The following ZBP1 variants were observed in gnomAD, a reference collection of about 807,000 sequenced individuals.
ZBP1 encodes Z-DNA binding protein 1.
A neutral mutation model predicts 41.1 loss-of-function variants in ZBP1; 42 were observed. That is an observed-to-expected ratio of 1.02 (90% CI 0.80 to 1.32). The LOEUF (loss-of-function observed/expected upper bound fraction) is 1.32. Ranked by LOEUF, ZBP1 falls within the 40% of genes most tolerant of loss-of-function variation. ZBP1 has a pLI of 0.00. For missense variants in ZBP1, 562 were observed against 549.7 expected, an observed-to-expected ratio of 1.02 and a Z score of -0.22; for synonymous variants, 214 against 205.2, an observed-to-expected ratio of 1.04 and a Z score of -0.37.
intron 1 of ZBP1, among the ~76,000 whole-genome samples, chr20:57,618,298 G>A (rs1197270841): frequency 2.6e-5 from 4 of 152,210 alleles, no homozygotes; most frequent in Non-Finnish European, 5.9e-5. Context: ...TCCCCTTCCA[G>A]GACAGTGACT....
chr20:57,611,633 A>C lies in ZBP1; in HGVS notation c.874+94T>G, dbSNP rs949500756. On this transcript the variant is annotated intron_variant, in intron 6 of 7. Coordinates refer to ENST00000371173, the MANE Select transcript of ZBP1 (RefSeq NM_030776.3). ...GGTGGAAGGAAAGGAATTTCCCATCATGCTTCTCTTCCCAAAAAGATTCTG... is the reference window on the plus strand; with the variant it reads ...GGTGGAAGGAAAGGAATTTCCCATCCTGCTTCTCTTCCCAAAAAGATTCTG... 3.0e-6 allele frequency: 4 copies of C among 1,339,224 alleles called. No individual in the cohort carries two copies. In the South Asian group the frequency reaches 5.6e-5, roughly 19 times the overall value. 83.0% of individuals were successfully genotyped at this position (1,339,224 alleles called of 1,614,324 possible).
Position 57,616,483 on chromosome 20 carries a change from G to A in ZBP1, c.35-15C>T, listed in dbSNP as rs375042085. ...TTCAAGGTGGCCTGGGGGAGCGAGC[G>A]GGGGACAGAGAGGGGAACTGAGTCT... On this transcript the variant is annotated splice_polypyrimidine_tract_variant and intron_variant, in intron 1 of 7. Coordinates refer to ENST00000371173, the MANE Select transcript of ZBP1 (RefSeq NM_030776.3). 15 of 1,611,986 alleles carry A rather than the reference G, an allele frequency of 9.3e-6. No homozygotes were observed. The highest frequency in any genetic ancestry group is 8.0e-5 in the African/African-American group (6 of 74,862).
intron 2 of ZBP1, chr20:57,615,802 G>C: frequency 3.7e-6 from 2 of 544,996 alleles, no homozygotes; most frequent in South Asian, 4.8e-5. Flanking sequence ...TTGCCTCCTG[G>C]GGTTGTGTGA....
At position 57,613,530 on chromosome 20, in the gene ZBP1, T is replaced by C. The variant is rs1305573482; in HGVS notation, c.503-200A>G. On this transcript the variant is annotated intron_variant, in intron 4 of 7. Coordinates refer to ENST00000371173, the MANE Select transcript of ZBP1 (RefSeq NM_030776.3). The surrounding 1 kb of genome is among the most constrained non-coding windows in gnomAD (Gnocchi z 4.5). ...CCTCAGAGGGAGCCTCACTTGAAAA[T>C]AGCCACTGTGAGTCACCCTACCTGT... Among the ~76,000 whole-genome samples the C allele has an allele frequency of 6.6e-6, 1 of 152,080 alleles. No individual in the cohort carries two copies. The highest frequency in any genetic ancestry group is 1.5e-5 in the Non-Finnish European group (1 of 68,006).
chr20:57,614,960 G>A lies in ZBP1; in HGVS notation c.429C>T (p.Asp143=), dbSNP rs1325719509. ...GMRTAKDVNR[D]LYRMKSRHLL... ...GGTGCCTGCTCTTCATCCTGTACAA[G>A]TCTCGGTTCACATCTTTTGCTGTCC... The change falls in exon 4 of 8, where the codon GAC becomes GAT. Residue 143 remains aspartate (D), a synonymous_variant. Transcript: ENST00000371173. The A allele has an allele frequency of 6.2e-7, 1 of 1,614,142 alleles. No individual in the cohort carries two copies. Among genetic ancestry groups the A allele is most frequent in the Non-Finnish European group, 8.5e-7 (1 of 1,180,060 alleles).
chr20:57,620,103 T>A, intron 1 of ZBP1, 159 bp downstream of exon 1: 1 of 838,802 alleles, frequency 1.2e-6, no homozygotes, highest in South Asian at 1.5e-5. Context: ...CCCAAAGTGC[T>A]GGGATTACAG....
chr20:57,612,807 G>A (rs564163444), intron 5 of ZBP1: 1 of 762,644 alleles, frequency 1.3e-6, no homozygotes, highest in East Asian at 5.0e-5. Context: ...GGAGGGAAAG[G>A]CAATTGAGTT....
At chr20:57,608,223 G>A (rs1263196964) in intron 7 of ZBP1, among the ~76,000 whole-genome samples, 7 of 151,962 alleles carry the variant, frequency 4.6e-5, no homozygotes, top group East Asian at 1.9e-4. Context: ...CCAGGTTTAC[G>A]CCATTCTCCT....
At chr20:57,612,040 C>A in intron 5 of ZBP1, 110 bp from the exon 6 acceptor site, 1 of 1,224,464 alleles carries the variant, frequency 8.2e-7, no homozygotes, top group Non-Finnish European at 1.1e-6. Context: ...CACCATCGAA[C>A]TGGCGGCCAA....
intron 7 of ZBP1, among the ~76,000 whole-genome samples, chr20:57,606,693 C>T (rs79174013): frequency 0.034 from 5,212 of 152,128 alleles, 280 homozygotes; most frequent in African/African-American, 0.12. Context: ...TTCTAGGGCC[C>T]TTAAGAATGA....
Position 57,613,063 on chromosome 20 carries a change from C to A in ZBP1, c.670+100G>T. On this transcript the variant is annotated intron_variant, in intron 5 of 7. Transcript: ENST00000371173. The surrounding 1 kb of genome is among the most constrained non-coding windows in gnomAD (Gnocchi z 4.5). ...GAAGCAACCCTTTCCCCTTGGAGGG[C>A]AGAATCCCCCCACTCCCCATCCCTA... is the stretch of plus-strand genomic sequence containing the variant. 1 of 1,554,610 alleles carries A rather than the reference C, an allele frequency of 6.4e-7. No homozygotes were observed. Among genetic ancestry groups the A allele is most frequent in the South Asian group, 1.2e-5 (1 of 85,198 alleles).
chr20:57,619,816 T>C (rs1250061555), intron 1 of ZBP1, among the ~76,000 whole-genome samples: 1 of 151,532 alleles, frequency 6.6e-6, no homozygotes, highest in Non-Finnish European at 1.5e-5. Context: ...CAAAGGGGGA[T>C]GGCTATGCTG....
chr20:57,611,411 A>ATTTTTTTTTTTTTTTTTTTTTTT (rs3068061), intron 6 of ZBP1, among the ~76,000 whole-genome samples: 153 of 95,112 alleles, frequency 1.6e-3, no homozygotes, highest in Non-Finnish European at 2.1e-3. Flanking sequence ...TGCCCGGTTA[A>ATTTTTTTTTTTTTTTTTTTTTTT]TTTTTTTTTT....
chr20:57,612,233 T>C (rs909715443), intron 5 of ZBP1, among the ~76,000 whole-genome samples: 1 of 152,156 alleles, frequency 6.6e-6, no homozygotes, highest in African/African-American at 2.4e-5. Flanking sequence ...GGGGACCAAG[T>C]CTCGTTTGGT....
chr20:57,614,559 C>T (rs1432377917), intron 4 of ZBP1, among the ~76,000 whole-genome samples: 1 of 152,144 alleles, frequency 6.6e-6, no homozygotes, highest in African/African-American at 2.4e-5. Context: ...TAAACCCCAA[C>T]TTGAGCAAAG....
intron 1 of ZBP1, among the ~76,000 whole-genome samples, chr20:57,619,185 G>A (rs1000676924): frequency 6.6e-6 from 1 of 152,196 alleles, no homozygotes; most frequent in Non-Finnish European, 1.5e-5. Context: ...CAGGACCTCC[G>A]CGGTCAGCCC....
rs1219123721 is a variant in ZBP1, at chr20:57,617,240, C to G, written c.35-772G>C. The stretch of plus-strand genomic sequence containing the variant: ...CTCCAAGTGCTGGCCTGTCTGTGCT[C>G]CCTTCAGCCCCACTCTCCCCAGCCC... On this transcript the variant is annotated intron_variant, in intron 1 of 7. Coordinates refer to ENST00000371173, the MANE Select transcript of ZBP1 (RefSeq NM_030776.3). The G allele has an allele frequency of 1.9e-5, 3 of 154,604 alleles. No homozygotes were observed. In the East Asian group the frequency reaches 5.7e-4, roughly 30 times the overall value. 9.6% of individuals were successfully genotyped at this position (154,604 alleles called of 1,614,324 possible).
Position 57,610,025 on chromosome 20 carries a change from G to C in ZBP1, c.1093+124C>G. The C allele has an allele frequency of 8.9e-7, 1 of 1,118,920 alleles. No homozygotes were observed. The highest frequency in any genetic ancestry group is 1.5e-5 in the South Asian group (1 of 68,398). 69.3% of individuals were successfully genotyped at this position (1,118,920 alleles called of 1,614,324 possible). ...AGCTGCTGCTCCTCGCTGTGGGTGG[G>C]CACAGCCTCCAGACTCCGGGAAACC... On this transcript the variant is annotated intron_variant, in intron 7 of 7. Coordinates refer to ENST00000371173, the MANE Select transcript of ZBP1 (RefSeq NM_030776.3). This position sits in a 1 kb window ranked among gnomAD's most constrained non-coding sequence, Gnocchi z 5.5.
At chr20:57,608,350 C>T (rs1028955836) in intron 7 of ZBP1, among the ~76,000 whole-genome samples, 1 of 152,220 alleles carries the variant, frequency 6.6e-6, no homozygotes, top group African/African-American at 2.4e-5. Flanking sequence ...TCTCGATCTC[C>T]TGACCTCGTG....
Sources: gnomAD v4.1 joint callset for allele counts (sites outside exome capture counted in the v4.1 genomes callset) on GRCh38, gnomAD v4.1.1 for gene constraint, Gnocchi (gnomAD v3.1) non-coding constraint, MANE v1.5 for transcripts, NCBI Gene and HGNC (gene_info 2026-07-23, HGNC 2026-07-21) for gene names.